Variants in WDR44 observed in about 807,000 individuals in gnomAD.
WDR44 encodes WD repeat-containing protein 44.
WDR44 carries 9 observed loss-of-function variants against 65.7 expected under a neutral mutation model. That is an observed-to-expected ratio of 0.14 (90% CI 0.08 to 0.24). The LOEUF (loss-of-function observed/expected upper bound fraction) is 0.24, where lower values mean the gene tolerates loss of function less well. WDR44 is among the 10% of genes least tolerant of loss of function. The pLI is 1.00. For missense variants in WDR44, 425 were observed against 670.9 expected (o/e 0.63, Z 4.05); for synonymous variants, 220 against 235.2 (o/e 0.94, Z 0.59).
intron 1 of WDR44, among the ~76,000 whole-genome samples, chrX:118,366,755 G>T (rs1338748933): frequency 9.0e-6 from 1 of 111,536 alleles, no homozygotes; most frequent in East Asian, 2.8e-4. Flanking sequence ...GTTTTAAAGA[G>T]AAATCTTTGT....
At chrX:118,429,327 G>A (rs1240241718) in intron 12 of WDR44, among the ~76,000 whole-genome samples, 1 of 111,267 alleles carries the variant, frequency 9.0e-6, no homozygotes. Context: ...AGTGGCTCAC[G>A]CCTGTAATCC....
chrX:118,432,753 T>C (rs1489139821), intron 12 of WDR44, 28 bp from the exon 13 acceptor site: 2 of 1,157,004 alleles, frequency 1.7e-6, no homozygotes, highest in Non-Finnish European at 2.4e-6. Flanking sequence ...ACATTGCAGT[T>C]TCAAAGTTTA....
chrX:118,378,284 A>G lies in WDR44; in HGVS notation c.78-135A>G, dbSNP rs370729382. On this transcript the variant is annotated intron_variant, in intron 1 of 19. Transcript: ENST00000254029. The stretch of plus-strand genomic sequence containing the variant: ...CCACTTTTTGTTTTCCACATTTTCT[A>G]CGTGCACACAAGACTTTTCAGTCAC... 1.6e-4 allele frequency: 82 copies of G among 502,876 alleles called. 1 individual carries two copies. Among genetic ancestry groups the G allele is most frequent in the East Asian group, 6.6e-4 (18 of 27,429 alleles). 41.4% of individuals were successfully genotyped at this position (502,876 alleles called of 1,213,427 possible).
At chrX:118,423,662 A>G (rs759994128) in intron 12 of WDR44, among the ~76,000 whole-genome samples, 4 of 112,076 alleles carry the variant, frequency 3.6e-5, no homozygotes, top group African/African-American at 1.3e-4. Flanking sequence ...TATACGATAC[A>G]GTATTGTAAA....
At position 118,393,130 on chromosome X, in the gene WDR44, A is replaced by G. The variant is rs2056834526; in HGVS notation, c.685A>G (p.Lys229Glu). The G allele has an allele frequency of 8.3e-7, 1 of 1,211,913 alleles. No homozygotes were observed. Among genetic ancestry groups the G allele is most frequent in the South Asian group, 1.8e-5 (1 of 56,988 alleles). ...TPEPDIVASTKKPVPARPPPP... is the reference protein window; with the variant it reads ...TPEPDIVASTEKPVPARPPPP... ...AGAGCCTGATATAGTGGCTAGTACAAAGAAGCCTGTTCCAGCACGCCCACC... is the reference window on the plus strand; with the variant it reads ...AGAGCCTGATATAGTGGCTAGTACAGAGAAGCCTGTTCCAGCACGCCCACC... Residue 229 changes from lysine (K) to glutamate (E), a missense_variant, in exon 4 of 20, where the codon AAG becomes GAG. Around this residue, in one of 5 missense-constraint regions of WDR44, gnomAD observed 193 missense variants for 209.0 expected, o/e 0.92. Coordinates refer to ENST00000254029, the MANE Select transcript of WDR44 (RefSeq NM_019045.5).
At position 118,378,631 on chromosome X, in the gene WDR44, T is replaced by G. The variant is rs371259444; in HGVS notation, c.111+179T>G. ...TCTAGAAATACCTAACTAAATATTA[T>G]GCTGTAAAGAAGGAACTGTAAGTAT... On this transcript the variant is annotated intron_variant, in intron 2 of 19. Coordinates refer to ENST00000254029, the MANE Select transcript of WDR44 (RefSeq NM_019045.5). 3.6e-5 allele frequency among the ~76,000 whole-genome samples: 4 copies of G among 110,935 alleles called. No homozygotes were observed. In the East Asian group the frequency reaches 1.1e-3, roughly 31 times the overall value.
At chrX:118,369,618 A>ATG (rs1569359748) in intron 1 of WDR44, among the ~76,000 whole-genome samples, 7 of 99,138 alleles carry the variant, frequency 7.1e-5, no homozygotes, top group African/African-American at 2.3e-4. Context: ...ACAGGCGCCC[A>ATG]CCACCACGCC....
intron 2 of WDR44, among the ~76,000 whole-genome samples, chrX:118,381,918 G>A (rs1209492829): frequency 9.0e-6 from 1 of 111,224 alleles, no homozygotes; most frequent in East Asian, 2.8e-4. Flanking sequence ...AGGCAAGAAT[G>A]CAATGGCACA....
chrX:118,358,846 G>A (rs1280950918), intron 1 of WDR44, among the ~76,000 whole-genome samples: 1 of 112,130 alleles, frequency 8.9e-6, no homozygotes, highest in Non-Finnish European at 1.9e-5. Context: ...GCCGAGGCAG[G>A]TGGATCGCTT....
chrX:118,415,438 T>TA (rs2057049381), intron 12 of WDR44, among the ~76,000 whole-genome samples: 1 of 111,867 alleles, frequency 8.9e-6, no homozygotes, highest in African/African-American at 3.3e-5. Context: ...TCTTGTGGAA[T>TA]AGTGTCAAAA....
intron 1 of WDR44, among the ~76,000 whole-genome samples, chrX:118,372,759 G>T (rs1012485346): frequency 8.9e-6 from 1 of 112,078 alleles, no homozygotes; most frequent in African/African-American, 3.2e-5. Context: ...TGGGAAGAAA[G>T]CTTTTAAATG....
intron 11 of WDR44, among the ~76,000 whole-genome samples, chrX:118,409,958 C>A (rs181647988): frequency 9.0e-6 from 1 of 111,729 alleles, no homozygotes. Context: ...GAATGAAAAT[C>A]ATATATATCC....
chrX:118,352,155 G>GTTT (rs202208400), intron 1 of WDR44, among the ~76,000 whole-genome samples: 1 of 87,793 alleles, frequency 1.1e-5, no homozygotes. Context: ...TTTGTTTTTT[G>GTTT]TTTTTTTTTT....
At chrX:118,351,692 G>A (rs985134444) in intron 1 of WDR44, among the ~76,000 whole-genome samples, 7 of 111,676 alleles carry the variant, frequency 6.3e-5, no homozygotes, top group African/African-American at 1.3e-4. Context: ...ACTCACGCCT[G>A]TAATCTCAGC....
At chrX:118,438,797 GTTTTTTTTTT>G in intron 14 of WDR44, among the ~76,000 whole-genome samples, 1 of 64,044 alleles carries the variant, frequency 1.6e-5, no homozygotes, top group African/African-American at 5.7e-5. Flanking sequence ...GTTCAGCCAT[GTTTTTTTTTT>G]TTTTTTTTTT....
At chrX:118,448,796 C>T (rs756376138) in intron 19 of WDR44, 97 bp from the exon 20 acceptor site, 1 of 483,754 alleles carries the variant, frequency 2.1e-6, no homozygotes, top group South Asian at 5.4e-5. Flanking sequence ...ATGATCTTCT[C>T]CCCTGAAGCT....
intron 8 of WDR44, among the ~76,000 whole-genome samples, chrX:118,402,377 G>T (rs369699208): frequency 4.9e-5 from 5 of 101,873 alleles, no homozygotes; most frequent in African/African-American, 1.8e-4. Context: ...AGAGATTGCA[G>T]TGAGCTGAGA....
At chrX:118,421,580 G>T (rs1490873386) in intron 12 of WDR44, among the ~76,000 whole-genome samples, 2 of 111,531 alleles carry the variant, frequency 1.8e-5, no homozygotes, top group Non-Finnish European at 3.8e-5. Context: ...TTTTTCTTAT[G>T]ATAGTGATAT....
In WDR44 at chrX:118,443,635, C is replaced by G; in HGVS notation, c.2460C>G (p.Ser820Arg). 1.7e-6 allele frequency: 2 copies of G among 1,210,270 alleles called. No homozygotes were observed. Among genetic ancestry groups the G allele is most frequent in the Non-Finnish European group, 2.2e-6 (2 of 894,320 alleles). Residue 820 changes from serine to arginine, a missense_variant, in exon 18 of 20, where the codon AGC becomes AGG. By Grantham distance (110) the Ser-to-Arg change is moderately radical (BLOSUM62 -1). This residue lies in a region of WDR44 where 73 missense variants were observed against 187.4 expected (regional missense o/e 0.39). Transcript: ENST00000254029. Reference sequence around the variant, plus strand: ...TCTGGAGTACCTACCATGACCTAAGCAAGTTTACTTCAGTCAGGAGAGATC... The same window carrying G: ...TCTGGAGTACCTACCATGACCTAAGGAAGTTTACTTCAGTCAGGAGAGATC... ...VYIWSTYHDL[S>R]KFTSVRRDRN...
Sources: gnomAD v4.1 joint callset for allele counts (sites outside exome capture counted in the v4.1 genomes callset) on GRCh38, gnomAD v4.1.1 for gene constraint, gnomAD v4.1.1 regional missense constraint, MANE v1.5 for transcripts, NCBI Gene and HGNC (gene_info 2026-07-23, HGNC 2026-07-21) for gene names.